The following MYOF variants were observed in gnomAD, a reference collection of about 807,000 sequenced individuals.
The protein encoded by MYOF is fer-1-like 3, myoferlin.
A neutral mutation model predicts 284.2 loss-of-function variants in MYOF; 244 were observed. The observed-to-expected ratio is 0.86, with a 90% CI of 0.77 to 0.95. The LOEUF (loss-of-function observed/expected upper bound fraction) is 0.95. MYOF is among the 40% of genes least tolerant of loss of function. MYOF has a pLI of 0.00. For synonymous variants in MYOF, 904 were observed against 919.7 expected (o/e 0.98, Z 0.31); for missense variants, 2,496 against 2,560.6 (o/e 0.97, Z 0.54).
chr10:93,369,537 G>T, intron 25 of MYOF, 108 bp downstream of exon 25: 2 of 1,475,978 alleles, frequency 1.4e-6, no homozygotes, highest in Non-Finnish European at 1.8e-6. Flanking sequence ...GGGATGGTAA[G>T]GAGGGCTGTG....
intron 11 of MYOF, among the ~76,000 whole-genome samples, chr10:93,401,792 CGTGTGTGTGT>C (rs57326000): frequency 3.2e-4 from 30 of 94,492 alleles, no homozygotes; most frequent in African/African-American, 5.3e-4. Flanking sequence ...AGAGCCTGTG[CGTGTGTGTGT>C]GTGTGTGTGT....
chr10:93,333,195 GA>G, intron 43 of MYOF, 25 bp downstream of exon 43: 1 of 1,590,360 alleles, frequency 6.3e-7, no homozygotes, highest in Non-Finnish European at 8.6e-7. Flanking sequence ...ATGAAGGCCA[GA>G]AAAACATTTA....
intron 43 of MYOF, among the ~76,000 whole-genome samples, chr10:93,330,519 C>T (rs1843250630): frequency 6.6e-6 from 1 of 152,210 alleles, no homozygotes; most frequent in African/African-American, 2.4e-5. Context: ...AAAGGCTCCC[C>T]TCTTCTCCCA....
Position 93,466,772 on chromosome 10 carries a change from G to A in MYOF, c.89-9835C>T, listed in dbSNP as rs560534238. 8.5e-5 allele frequency among the ~76,000 whole-genome samples: 13 copies of A among 152,328 alleles called. No homozygotes were observed. In the East Asian group the frequency reaches 2.5e-3, roughly 29 times the overall value. On this transcript the variant is annotated intron_variant, in intron 1 of 53. Coordinates refer to ENST00000359263, the MANE Select transcript of MYOF (RefSeq NM_013451.4). Reference sequence around the variant, plus strand: ...GGAGATGGCTTGAGTCCAGGAGTTTGAGACCTGCCTGGGAAACATAATGAG... The same window carrying A: ...GGAGATGGCTTGAGTCCAGGAGTTTAAGACCTGCCTGGGAAACATAATGAG...
chr10:93,369,763 T>A lies in MYOF; in HGVS notation c.2471A>T (p.Lys824Ile). ...QTIFLKYPQE[K>I]NNGPKVPVEL... is the part of the protein sequence containing the mutation. ...CACAGGCACCTTTGGCCCGTTGTTT[T>A]TCTCCTGTGGATACTGTGAGATGAA... Residue 824 changes from lysine to isoleucine, a missense_variant, in exon 25 of 54, where the codon AAA becomes ATA. This residue lies in a region of MYOF where 2,436 missense variants were observed against 2,480.7 expected (regional missense o/e 0.98). Coordinates refer to ENST00000359263, the MANE Select transcript of MYOF (RefSeq NM_013451.4). 1.9e-6 allele frequency: 3 copies of A among 1,614,208 alleles called. No individual in the cohort carries two copies. The highest frequency in any genetic ancestry group is 1.3e-5 in the African/African-American group (1 of 75,060).
At chr10:93,421,860 A>C (rs1385023554) in intron 5 of MYOF, among the ~76,000 whole-genome samples, 1 of 152,172 alleles carries the variant, frequency 6.6e-6, no homozygotes, top group African/African-American at 2.4e-5. Context: ...CAATGCAAAC[A>C]GACTAAGACA....
intron 40 of MYOF, among the ~76,000 whole-genome samples, chr10:93,337,124 A>G (rs1843652373): frequency 6.7e-6 from 1 of 148,838 alleles, no homozygotes; most frequent in African/African-American, 2.5e-5. Context: ...ATAACATGAA[A>G]AGGTGTGGGT....
At chr10:93,417,282 G>A (rs753042381) in intron 5 of MYOF, among the ~76,000 whole-genome samples, 2 of 152,052 alleles carry the variant, frequency 1.3e-5, no homozygotes, top group Non-Finnish European at 2.9e-5. Flanking sequence ...TACTTGTGAT[G>A]TTTCCGCTAA....
chr10:93,435,388 A>G (rs1475427790), intron 3 of MYOF, among the ~76,000 whole-genome samples: 1 of 152,240 alleles, frequency 6.6e-6, no homozygotes, highest in Non-Finnish European at 1.5e-5. Context: ...CTGTTCAGCT[A>G]GATACCATTT....
intron 41 of MYOF, among the ~76,000 whole-genome samples, chr10:93,334,182 G>GT (rs139771031): frequency 0.045 from 6,874 of 152,254 alleles, 233 homozygotes; most frequent in Middle Eastern, 0.065. Flanking sequence ...GATGGAGGAG[G>GT]TGGTGGTGAG....
intron 5 of MYOF, among the ~76,000 whole-genome samples, chr10:93,410,956 C>T (rs76502136): frequency 0.016 from 2,373 of 152,288 alleles, 65 homozygotes; most frequent in African/African-American, 0.052. Context: ...CCTCCACTTT[C>T]GAGCTATGTG....
intron 4 of MYOF, among the ~76,000 whole-genome samples, chr10:93,429,767 T>A (rs549351067): frequency 6.6e-6 from 1 of 152,064 alleles, no homozygotes; most frequent in African/African-American, 2.4e-5. Flanking sequence ...GATTGGAAAA[T>A]GAAGGGGTTG....
chr10:93,374,738 C>T (rs199666518), intron 23 of MYOF, 25 bp downstream of exon 23: 23 of 1,605,480 alleles, frequency 1.4e-5, no homozygotes, highest in South Asian at 8.9e-5. Context: ...TATCAGGTGA[C>T]GTTTGTGTAG....
intron 4 of MYOF, among the ~76,000 whole-genome samples, chr10:93,428,566 A>C (rs1380048725): frequency 1.4e-5 from 2 of 143,824 alleles, no homozygotes; most frequent in African/African-American, 2.6e-5. Flanking sequence ...ACATCTGGTA[A>C]ACACACACAC....
chr10:93,438,951 G>C (rs755813886), intron 3 of MYOF, among the ~76,000 whole-genome samples: 51 of 152,120 alleles, frequency 3.4e-4, no homozygotes, highest in Non-Finnish European at 4.9e-4. Flanking sequence ...TCATCGAAAG[G>C]GGGTGTGGCT....
rs551469563 is a variant in MYOF at position 93,373,010 on chromosome 10, C to T, written c.2377G>A (p.Ala793Thr). 7.7e-5 allele frequency: 124 copies of T among 1,614,126 alleles called. No individual in the cohort carries two copies. Among genetic ancestry groups the T allele is most frequent in the South Asian group, 5.4e-4 (49 of 91,078 alleles). The change falls in exon 24 of 54, where the codon GCA (alanine) becomes ACA (threonine). Residue 793 changes from alanine to threonine, a missense_variant. Around this residue, in one of 3 missense-constraint regions of MYOF, gnomAD observed 2,436 missense variants for 2,480.7 expected, o/e 0.98. Coordinates refer to ENST00000359263, the MANE Select transcript of MYOF (RefSeq NM_013451.4). ...EKRLAYARIPAHQVLYSTSGE... is the reference protein window; with the variant it reads ...EKRLAYARIPTHQVLYSTSGE... ...CTGGTGGAGTACAAGACCTGATGTG[C>T]GGGAATTCGTGCATAGGCCAGTCTC... is the stretch of plus-strand genomic sequence containing the variant.
Position 93,364,018 on chromosome 10 carries a change from G to A in MYOF, c.2811C>T (p.Asn937=), listed in dbSNP as rs200009633. 45 of 1,614,144 alleles carry A rather than the reference G, an allele frequency of 2.8e-5. No homozygotes were observed. Among genetic ancestry groups the A allele is most frequent in the Admixed American group, 1.2e-4 (7 of 60,024 alleles). Residue 937 remains asparagine, a synonymous_variant, in exon 27 of 54, where the codon AAC becomes AAT. Transcript: ENST00000359263. Reference sequence around the variant, plus strand: ...AGTCGCCCCCGGGGTAGCGGCTCTCGTTCTGATAGACTTCATCAGTGAACT... The same window carrying A: ...AGTCGCCCCCGGGGTAGCGGCTCTCATTCTGATAGACTTCATCAGTGAACT... The part of the protein sequence containing the change: ...HTEFTDEVYQ[N]ESRYPGGDWK...
chr10:93,396,342 T>G, intron 15 of MYOF, 118 bp from the exon 16 acceptor site: 1 of 671,006 alleles, frequency 1.5e-6, no homozygotes, highest in South Asian at 2.4e-5. Context: ...ACCCCAGACT[T>G]CAGAAATAAT....
At chr10:93,439,924 T>TA (rs2056192179) in intron 3 of MYOF, among the ~76,000 whole-genome samples, 1 of 152,220 alleles carries the variant, frequency 6.6e-6, no homozygotes, top group African/African-American at 2.4e-5. Context: ...GTAAAGTTCT[T>TA]AAAACCAGTT....
Sources: allele counts gnomAD v4.1 joint callset (sites outside exome capture counted in the v4.1 genomes callset), GRCh38; gene constraint gnomAD v4.1.1; regional missense constraint gnomAD v4.1.1; transcripts MANE v1.5; gene names NCBI Gene and HGNC (gene_info 2026-07-23, HGNC 2026-07-21).